The following MACROD2 variants were observed in gnomAD, a reference collection of about 807,000 sequenced individuals.
The protein encoded by MACROD2 is ADP-ribose glycohydrolase MACROD2.
Under a neutral mutation model 70.4 loss-of-function variants are expected in MACROD2, and 36 were observed. The observed-to-expected ratio is 0.51, with a 90% CI of 0.39 to 0.68. The LOEUF is 0.68. Among genes scored for constraint, MACROD2 ranks in the 30% least tolerant of loss-of-function variants. MACROD2 has a pLI of 0.00. For missense variants in MACROD2, 496 were observed against 538.4 expected (o/e 0.92, Z 0.78); for synonymous variants, 172 against 178.8 (o/e 0.96, Z 0.30).
intron 6 of MACROD2, among the ~76,000 whole-genome samples, chr20:15,384,639 G>A (rs534518020): frequency 6.6e-6 from 1 of 152,016 alleles, no homozygotes; most frequent in African/African-American, 2.4e-5. Flanking sequence ...TATATGCCGG[G>A]TGTTATATTA....
At chr20:14,285,813 C>A (rs1381460949) in intron 3 of MACROD2, among the ~76,000 whole-genome samples, 1 of 151,982 alleles carries the variant, frequency 6.6e-6, no homozygotes, top group Non-Finnish European at 1.5e-5. Context: ...GTCCCTCTCC[C>A]ACAACTACCA....
At chr20:15,123,610 ATT>A (rs2076046172) in intron 5 of MACROD2, among the ~76,000 whole-genome samples, 1 of 151,558 alleles carries the variant, frequency 6.6e-6, no homozygotes, top group African/African-American at 2.4e-5. Flanking sequence ...CATTGCACTT[ATT>A]TTTTAAGTAT....
chr20:15,618,528 C>T (rs1383759039), intron 8 of MACROD2, among the ~76,000 whole-genome samples: 1 of 152,040 alleles, frequency 6.6e-6, no homozygotes, highest in Admixed American at 6.6e-5. Context: ...TCACCCCACC[C>T]TCCCAACCCT....
intron 2 of MACROD2, among the ~76,000 whole-genome samples, chr20:14,050,757 T>C (rs1015301098): frequency 2.0e-5 from 3 of 152,202 alleles, no homozygotes; most frequent in Non-Finnish European, 4.4e-5. Flanking sequence ...ATAGGTGAAG[T>C]TCTCAGAAAC....
At chr20:15,236,354 CAG>C (rs1312498976) in intron 6 of MACROD2, among the ~76,000 whole-genome samples, 1 of 152,162 alleles carries the variant, frequency 6.6e-6, no homozygotes, top group Non-Finnish European at 1.5e-5. Context: ...GCCTTGGAAA[CAG>C]ATAGTTATAC....
At chr20:15,069,885 A>G (rs1384648029) in intron 5 of MACROD2, among the ~76,000 whole-genome samples, 4 of 152,336 alleles carry the variant, frequency 2.6e-5, no homozygotes, top group Admixed American at 6.5e-5. Context: ...GCTACCATAC[A>G]GAATCCCCAC....
At chr20:14,163,137 A>G (rs2055215094) in intron 3 of MACROD2, among the ~76,000 whole-genome samples, 1 of 152,146 alleles carries the variant, frequency 6.6e-6, no homozygotes, top group Non-Finnish European at 1.5e-5. Context: ...GGATGGGTCT[A>G]GTGATGATGA....
intron 8 of MACROD2, among the ~76,000 whole-genome samples, chr20:15,580,261 G>A (rs567471553): frequency 1.8e-4 from 27 of 152,210 alleles, no homozygotes; most frequent in South Asian, 1.7e-3. Context: ...CCTCCTTCCC[G>A]TGACAATTTG....
At chr20:15,001,538 T>C (rs1043637540) in intron 5 of MACROD2, among the ~76,000 whole-genome samples, 1 of 152,162 alleles carries the variant, frequency 6.6e-6, no homozygotes, top group Non-Finnish European at 1.5e-5. Context: ...ATTATTATTA[T>C]TATTTTGTCA....
intron 3 of MACROD2, among the ~76,000 whole-genome samples, chr20:14,087,291 G>C (rs1370832058): frequency 6.6e-6 from 1 of 152,048 alleles, no homozygotes; most frequent in African/African-American, 2.4e-5. Flanking sequence ...AGCTACTCGG[G>C]AGGCTGAGGC....
chr20:14,334,708 T>C (rs1246619012), intron 3 of MACROD2, among the ~76,000 whole-genome samples: 3 of 152,064 alleles, frequency 2.0e-5, no homozygotes, highest in Non-Finnish European at 2.9e-5. Context: ...GGAGAAATTA[T>C]GGCCTTTGAA....
chr20:14,947,279 T>C (rs2074440506), intron 5 of MACROD2, among the ~76,000 whole-genome samples: 1 of 152,164 alleles, frequency 6.6e-6, no homozygotes. Flanking sequence ...GGCTTTGTTA[T>C]AGAGGCAGAA....
chr20:15,812,174 C>G (rs941254740), intron 8 of MACROD2, among the ~76,000 whole-genome samples: 7 of 152,214 alleles, frequency 4.6e-5, no homozygotes, highest in Non-Finnish European at 8.8e-5. Flanking sequence ...GGCCGTCCCC[C>G]ACCCCTTGGA....
At chr20:14,918,685 C>A (rs1023913615) in intron 5 of MACROD2, among the ~76,000 whole-genome samples, 42 of 142,776 alleles carry the variant, frequency 2.9e-4, no homozygotes, top group Non-Finnish European at 3.5e-4. Context: ...TAAACAATGT[C>A]TCCTCTATCC....
intron 3 of MACROD2, among the ~76,000 whole-genome samples, chr20:14,465,388 G>C (rs1298804871): frequency 2.6e-5 from 4 of 151,984 alleles, no homozygotes; most frequent in African/African-American, 9.7e-5. Context: ...CATTGGCTTG[G>C]TAGATCTTCC....
chr20:15,015,804 A>T (rs956804822), intron 5 of MACROD2, among the ~76,000 whole-genome samples: 2 of 152,196 alleles, frequency 1.3e-5, no homozygotes, highest in Admixed American at 1.3e-4. Flanking sequence ...GCAAAGCAAA[A>T]TGATTATAGA....
chr20:16,030,776 G>A (rs1161038472), intron 15 of MACROD2, among the ~76,000 whole-genome samples: 1 of 152,078 alleles, frequency 6.6e-6, no homozygotes, highest in East Asian at 1.9e-4. Flanking sequence ...TAATACATAT[G>A]GAAGAGAAAA....
chr20:14,872,783 G>A (rs1220627838), intron 5 of MACROD2, among the ~76,000 whole-genome samples: 2 of 152,118 alleles, frequency 1.3e-5, no homozygotes, highest in African/African-American at 2.4e-5. Context: ...CGAGAACTGG[G>A]TAATTTATAA....
At chr20:15,838,068 A>G (rs557414211) in intron 8 of MACROD2, among the ~76,000 whole-genome samples, 47 of 152,006 alleles carry the variant, frequency 3.1e-4, no homozygotes, top group African/African-American at 1.0e-3. Flanking sequence ...CATATACCGT[A>G]TTATATTCAA....
Sources: allele counts gnomAD v4.1 joint callset (sites outside exome capture counted in the v4.1 genomes callset), GRCh38; gene constraint gnomAD v4.1.1; transcripts MANE v1.5; gene names NCBI Gene and HGNC (gene_info 2026-07-23, HGNC 2026-07-21).